Variants in SLC4A10 observed in about 807,000 individuals in gnomAD.
SLC4A10 encodes sodium-driven chloride bicarbonate exchanger.
SLC4A10 carries 42 observed loss-of-function variants against 137.7 expected under a neutral mutation model. The observed-to-expected ratio is 0.30, with a 90% confidence interval of 0.24 to 0.39. SLC4A10 has a LOEUF of 0.39. Among genes scored for constraint, SLC4A10 ranks in the 10% least tolerant of loss-of-function variants. The pLI is 1.00. For missense variants in SLC4A10, 925 were observed against 1,355.0 expected, an observed-to-expected ratio of 0.68 and a Z score of 4.98; for synonymous variants, 474 against 464.1, an observed-to-expected ratio of 1.02 and a Z score of -0.27.
rs547028949 is a variant in SLC4A10 at position 161,891,103 on chromosome 2, A to G, written c.1195-3576A>G. On this transcript the variant is annotated intron_variant, in intron 10 of 26. Coordinates refer to ENST00000446997, the MANE Select transcript of SLC4A10 (RefSeq NM_001178015.2). Reference sequence around the variant, plus strand: ...TTCTGGGTTGAAATTTCTTTTCTTTAAGAATGTTGAATATTGGCCCCCACT... The same window carrying G: ...TTCTGGGTTGAAATTTCTTTTCTTTGAGAATGTTGAATATTGGCCCCCACT... Among the ~76,000 whole-genome samples, 9 of 152,240 alleles carry G rather than the reference A, an allele frequency of 5.9e-5. No homozygotes were observed. In the South Asian group the frequency reaches 6.2e-4, roughly 11 times the overall value.
chr2:161,659,669 CA>C (rs1163755379), intron 1 of SLC4A10, among the ~76,000 whole-genome samples: 1 of 151,806 alleles, frequency 6.6e-6, no homozygotes, highest in African/African-American at 2.4e-5. Context: ...AAATGAATTG[CA>C]AAGGAAAACA....
chr2:161,626,915 C>A (rs955040868), intron 1 of SLC4A10, among the ~76,000 whole-genome samples: 2 of 152,012 alleles, frequency 1.3e-5, no homozygotes, highest in Admixed American at 1.3e-4. Flanking sequence ...ATTAATCAGA[C>A]GACTTTGCAA....
intron 26 of SLC4A10, among the ~76,000 whole-genome samples, chr2:161,978,384 CAAAAA>C (rs61399867): frequency 2.2e-5 from 2 of 90,514 alleles, no homozygotes; most frequent in Admixed American, 1.4e-4. Context: ...GAGACTCTGT[CAAAAA>C]AAAAAAAAAA....
At chr2:161,853,538 G>T (rs2059940019) in intron 4 of SLC4A10, among the ~76,000 whole-genome samples, 1 of 152,160 alleles carries the variant, frequency 6.6e-6, no homozygotes, top group Non-Finnish European at 1.5e-5. Context: ...CACTTTCCTA[G>T]GAAGAGAGGG....
chr2:161,749,020 T>G (rs2048676171), intron 1 of SLC4A10, among the ~76,000 whole-genome samples: 1 of 151,998 alleles, frequency 6.6e-6, no homozygotes, highest in African/African-American at 2.4e-5. Flanking sequence ...TTCCTAAGTA[T>G]TTTATTTATT....
intron 15 of SLC4A10, among the ~76,000 whole-genome samples, chr2:161,911,837 T>C (rs184989745): frequency 2.0e-5 from 3 of 152,244 alleles, no homozygotes; most frequent in Admixed American, 1.3e-4. Flanking sequence ...AAAAGCTAGA[T>C]TGTTTGACAT....
At chr2:161,802,481 A>G (rs13425102) in intron 2 of SLC4A10, among the ~76,000 whole-genome samples, 4,661 of 152,202 alleles carry the variant, frequency 0.031, 243 homozygotes, top group African/African-American at 0.11. Context: ...TATCCCTTTC[A>G]AAGAAACACT....
At chr2:161,897,600 A>G (rs1004880830) in intron 11 of SLC4A10, among the ~76,000 whole-genome samples, 3 of 152,138 alleles carry the variant, frequency 2.0e-5, no homozygotes, top group African/African-American at 7.2e-5. Flanking sequence ...AAATCATTTC[A>G]TAATTATTAA....
rs141889120 is a variant in SLC4A10 at position 161,957,743 on chromosome 2, A to AT, written c.2793+512dup. Among the ~76,000 whole-genome samples, 1,359 of 151,606 alleles carry AT rather than the reference A, an allele frequency of 9.0e-3. 16 individuals carry two copies. Among genetic ancestry groups the AT allele is most frequent in the African/African-American group, 0.03 (1,259 of 41,294 alleles). ...CTGGACATCATCATTGCATATAGTG[A>AT]TTTTTTTTTCACACAAAACTTGAAA... On this transcript the variant is annotated intron_variant, in intron 20 of 26. Coordinates refer to ENST00000446997, the MANE Select transcript of SLC4A10 (RefSeq NM_001178015.2).
At chr2:161,631,867 A>G (rs1177896473) in intron 1 of SLC4A10, among the ~76,000 whole-genome samples, 1 of 151,664 alleles carries the variant, frequency 6.6e-6, no homozygotes, top group Non-Finnish European at 1.5e-5. Context: ...ACTCAGTTGG[A>G]TAGAGTGAGG....
At chr2:161,920,739 G>T (rs1687977535) in intron 15 of SLC4A10, among the ~76,000 whole-genome samples, 1 of 152,182 alleles carries the variant, frequency 6.6e-6, no homozygotes, top group African/African-American at 2.4e-5. Flanking sequence ...CAGGAAAAGA[G>T]CAACCTACAA....
intron 10 of SLC4A10, among the ~76,000 whole-genome samples, chr2:161,888,197 C>T (rs2062523763): frequency 6.6e-6 from 1 of 150,880 alleles, no homozygotes; most frequent in Non-Finnish European, 1.5e-5. Flanking sequence ...GTGGTTTTTC[C>T]ATGTAGTATA....
chr2:161,913,772 ACTT>A (rs1326065182), intron 15 of SLC4A10, among the ~76,000 whole-genome samples: 3 of 152,100 alleles, frequency 2.0e-5, no homozygotes, highest in Non-Finnish European at 4.4e-5. Flanking sequence ...CTTCCACTCA[ACTT>A]CTTCTCACCT....
intron 15 of SLC4A10, among the ~76,000 whole-genome samples, chr2:161,909,275 G>A (rs1685248066): frequency 6.6e-6 from 1 of 151,904 alleles, no homozygotes; most frequent in Non-Finnish European, 1.5e-5. Context: ...GAGTGACAGA[G>A]GTCCTGACTT....
intron 11 of SLC4A10, among the ~76,000 whole-genome samples, chr2:161,898,784 C>T (rs554810322): frequency 1.4e-4 from 22 of 152,158 alleles, no homozygotes; most frequent in African/African-American, 3.9e-4. Context: ...TACTCTGTAC[C>T]GCACTGATGA....
At chr2:161,671,632 G>A (rs1049737900) in intron 1 of SLC4A10, among the ~76,000 whole-genome samples, 5 of 152,048 alleles carry the variant, frequency 3.3e-5, no homozygotes, top group Non-Finnish European at 5.9e-5. Flanking sequence ...AAACCTCAGC[G>A]TCATGCAAAA....
At chr2:161,905,396 G>A (rs1684117764) in intron 14 of SLC4A10, among the ~76,000 whole-genome samples, 1 of 152,144 alleles carries the variant, frequency 6.6e-6, no homozygotes, top group Non-Finnish European at 1.5e-5. Context: ...TCTGACAAGA[G>A]TCTGAGCTCA....
intron 3 of SLC4A10, among the ~76,000 whole-genome samples, chr2:161,817,459 T>C (rs2057198805): frequency 6.6e-6 from 1 of 152,224 alleles, no homozygotes; most frequent in African/African-American, 2.4e-5. Flanking sequence ...TGATTTCTTT[T>C]GCTGTGCAGA....
At chr2:161,835,728 T>C (rs552496618) in intron 3 of SLC4A10, among the ~76,000 whole-genome samples, 1 of 152,310 alleles carries the variant, frequency 6.6e-6, no homozygotes, top group African/African-American at 2.4e-5. Context: ...AGCTACCTCC[T>C]TGTGGTCCAA....
Sources: allele counts gnomAD v4.1 joint callset (sites outside exome capture counted in the v4.1 genomes callset), GRCh38; gene constraint gnomAD v4.1.1; transcripts MANE v1.5; gene names NCBI Gene and HGNC (gene_info 2026-07-23, HGNC 2026-07-21).